Variants in ANKRD36 observed in about 807,000 individuals in gnomAD.
The protein encoded by ANKRD36 is ankyrin repeat domain 36.
In ANKRD36, 179 loss-of-function variants were observed where a neutral mutation model predicts 278.1. The observed-to-expected ratio is 0.64, with a 90% CI of 0.57 to 0.73. ANKRD36 has a LOEUF of 0.73. Ranked by LOEUF, ANKRD36 falls within the 30% of genes least tolerant of loss-of-function variation. The pLI, the probability that ANKRD36 is intolerant of heterozygous loss-of-function variation, is 0.00. For missense variants in ANKRD36, 1,159 were observed against 1,956.7 expected (o/e 0.59, Z 7.69); for synonymous variants, 320 against 641.1 (o/e 0.50, Z 7.57).
rs1392023281 is a variant in ANKRD36 at position 97,209,710 on chromosome 2, G to A, written c.3294+1G>A. On this transcript the variant is annotated splice_donor_variant, in intron 55 of 75. Coordinates refer to ENST00000420699, the MANE Select transcript of ANKRD36 (RefSeq NM_001354587.1). LOFTEE classifies it high-confidence loss of function. ...TTCTCGGAAAAAACCAGCCTTGAAG[G>A]TAATGAAACTCTCATTCATATTGTG... is the stretch of plus-strand genomic sequence containing the variant. 1 of 1,584,106 alleles carries A rather than the reference G, an allele frequency of 6.3e-7. No individual in the cohort carries two copies. The highest frequency in any genetic ancestry group is 8.6e-7 in the Non-Finnish European group (1 of 1,167,298).
intron 1 of ANKRD36, among the ~76,000 whole-genome samples, chr2:97,116,827 T>C (rs2035519516): frequency 6.6e-6 from 1 of 152,102 alleles, no homozygotes. Context: ...TGCTTTAATT[T>C]ATAGTTTTTT....
At chr2:97,169,499 G>T (rs1451725699) in intron 22 of ANKRD36, among the ~76,000 whole-genome samples, 2 of 152,290 alleles carry the variant, frequency 1.3e-5, no homozygotes, top group African/African-American at 4.8e-5. Context: ...AAGTCAAATT[G>T]TCTCTGCAGA....
chr2:97,211,609 A>G (rs762499333), intron 57 of ANKRD36, 35 bp downstream of exon 57: 1 of 1,602,128 alleles, frequency 6.2e-7, no homozygotes, highest in East Asian at 2.3e-5. Context: ...TGAACTATTA[A>G]CTGTATAGTA....
At chr2:97,256,324 T>G (rs1161685628) in intron 75 of ANKRD36, among the ~76,000 whole-genome samples, 2 of 152,140 alleles carry the variant, frequency 1.3e-5, no homozygotes, top group Non-Finnish European at 2.9e-5. Context: ...GCCATTGCAC[T>G]CTACCCTGGG....
At chr2:97,172,350 A>G (rs1235140459) in intron 22 of ANKRD36, among the ~76,000 whole-genome samples, 1 of 151,922 alleles carries the variant, frequency 6.6e-6, no homozygotes, top group Non-Finnish European at 1.5e-5. Flanking sequence ...GTATGATCTC[A>G]TGATATGCCA....
At chr2:97,174,194 C>T (rs1406400265) in intron 22 of ANKRD36, among the ~76,000 whole-genome samples, 1 of 151,688 alleles carries the variant, frequency 6.6e-6, no homozygotes, top group Admixed American at 6.6e-5. Flanking sequence ...GACGAAGAGA[C>T]AGTGAGAAAG....
Position 97,156,309 on chromosome 2 carries a change from C to T in ANKRD36, c.1260+1568C>T, listed in dbSNP as rs1294901516. On this transcript the variant is annotated intron_variant, in intron 15 of 75. Transcript: ENST00000420699. ...TATGTATACATGTGCCATGCTGGTG[C>T]GCTGCACCCACTAACTCGTCATCTA... Among the ~76,000 whole-genome samples, 3 of 144,860 alleles carry T rather than the reference C, an allele frequency of 2.1e-5. 1 individual carries two copies. Among genetic ancestry groups the T allele is most frequent in the African/African-American group, 2.4e-5 (1 of 41,050 alleles).
chr2:97,142,799 G>A lies in ANKRD36; in HGVS notation c.865G>A (p.Ala289Thr), dbSNP rs759962475. 5.7e-6 allele frequency: 9 copies of A among 1,570,216 alleles called. No individual in the cohort carries two copies. Among genetic ancestry groups the A allele is most frequent in the Non-Finnish European group, 6.9e-6 (8 of 1,157,850 alleles). ...SGKEDSISNI[A>T]TEIKDGQKSG... ...CAAGGAAGATTCTATTTCAAATATA[G>A]CCACAGAAATAAAGGATGGACAAAA... is the stretch of plus-strand genomic sequence containing the variant. The change falls in exon 8 of 76, where the codon GCC becomes ACC. Residue 289 changes from alanine (A) to threonine (T), a missense_variant. Coordinates refer to ENST00000420699, the MANE Select transcript of ANKRD36 (RefSeq NM_001354587.1).
chr2:97,224,121 A>G (rs1262293055), intron 66 of ANKRD36, among the ~76,000 whole-genome samples: 1 of 151,816 alleles, frequency 6.6e-6, no homozygotes, highest in African/African-American at 2.4e-5. Context: ...AATGAACAGC[A>G]GGCTCAAAGT....
chr2:97,213,745 T>G, intron 60 of ANKRD36, 131 bp downstream of exon 60: 3 of 579,148 alleles, frequency 5.2e-6, no homozygotes, highest in Non-Finnish European at 9.3e-6. Context: ...TTCTTCATTT[T>G]TAATAAGTTC....
chr2:97,130,094 TA>T (rs2039692869), intron 6 of ANKRD36, among the ~76,000 whole-genome samples: 2 of 152,090 alleles, frequency 1.3e-5, no homozygotes, highest in Non-Finnish European at 2.9e-5. Flanking sequence ...TGATACTTCC[TA>T]CCTATGAGCC....
chr2:97,192,813 G>A, intron 36 of ANKRD36, 45 bp from the exon 37 acceptor site: 1 of 1,578,334 alleles, frequency 6.3e-7, no homozygotes, highest in South Asian at 1.1e-5. Flanking sequence ...GGATAACTTT[G>A]TCATAGTTAC....
At chr2:97,243,232 T>C (rs1486704945) in intron 69 of ANKRD36, among the ~76,000 whole-genome samples, 2 of 146,832 alleles carry the variant, frequency 1.4e-5, no homozygotes, top group Non-Finnish European at 3.1e-5. Context: ...AGCAATCAAA[T>C]ACATGTAAGA....
chr2:97,197,834 G>A (rs1481658334), intron 42 of ANKRD36, among the ~76,000 whole-genome samples: 2 of 151,848 alleles, frequency 1.3e-5, no homozygotes, highest in African/African-American at 4.8e-5. Flanking sequence ...ATTTCGGAAG[G>A]CTAAAGTAGT....
chr2:97,211,440 A>G, intron 56 of ANKRD36, 106 bp from the exon 57 acceptor site: 4 of 1,512,572 alleles, frequency 2.6e-6, no homozygotes, highest in Non-Finnish European at 3.6e-6. Flanking sequence ...CAAGGCCTAC[A>G]CTAATACAGG....
chr2:97,213,713 T>C (rs1055099462), intron 60 of ANKRD36, 99 bp downstream of exon 60: 13 of 536,262 alleles, frequency 2.4e-5, no homozygotes, highest in Non-Finnish European at 4.0e-5. Flanking sequence ...AAACTGCACA[T>C]TCTGATTCAG....
At chr2:97,205,776 A>T (rs544405338) in intron 50 of ANKRD36, among the ~76,000 whole-genome samples, 164 bp from the exon 51 acceptor site, 2 of 151,468 alleles carry the variant, frequency 1.3e-5, no homozygotes, top group Admixed American at 1.3e-4. Context: ...CCCTTTTCTC[A>T]GTGTATTTGT....
chr2:97,222,385 A>T (rs1366890251), intron 66 of ANKRD36, among the ~76,000 whole-genome samples: 1 of 152,050 alleles, frequency 6.6e-6, no homozygotes, highest in African/African-American at 2.4e-5. Context: ...TGTATTTTTA[A>T]TTTTTTGAGG....
chr2:97,219,880 T>G (rs527713148), intron 66 of ANKRD36, among the ~76,000 whole-genome samples: 2,971 of 144,872 alleles, frequency 0.021, 9 homozygotes, highest in African/African-American at 0.075. Flanking sequence ...ATTAAAGAGA[T>G]CAATTTTGAT....
Sources: gnomAD v4.1 joint callset for allele counts (sites outside exome capture counted in the v4.1 genomes callset) on GRCh38, gnomAD v4.1.1 for gene constraint, MANE v1.5 for transcripts, NCBI Gene and HGNC (gene_info 2026-07-23, HGNC 2026-07-21) for gene names.